CABIN1: variants seen among roughly 807,000 people sequenced by gnomAD.
CABIN1 encodes calcineurin-binding protein cabin-1.
Under a neutral mutation model 227.7 loss-of-function variants are expected in CABIN1, and 133 were observed. The ratio of observed to expected loss-of-function variants is 0.58; its 90% CI spans 0.51 to 0.67. The LOEUF (loss-of-function observed/expected upper bound fraction) is 0.67. Ranked by LOEUF, CABIN1 falls within the 30% of genes least tolerant of loss-of-function variation. The probability of loss-of-function intolerance (pLI) is 0.00; values close to 1 mark genes in which losing one functional copy is unlikely to be tolerated. For missense variants in CABIN1, 2,408 were observed against 2,852.5 expected (o/e 0.84, Z 3.55); for synonymous variants, 1,086 against 1,155.1 (o/e 0.94, Z 1.21).
chr22:24,177,833 G>A lies in CABIN1; in HGVS notation c.6519+16G>A, dbSNP rs1303108371. On this transcript the variant is annotated intron_variant, in intron 36 of 36. Coordinates refer to ENST00000263119, the MANE Select transcript of CABIN1 (RefSeq NM_012295.4). This position sits in a 1 kb window ranked among gnomAD's most constrained non-coding sequence, Gnocchi z 4.4. The stretch of plus-strand genomic sequence containing the variant: ...GAAGCTGAAGGTGACCTCAGGGGCT[G>A]GGCTGGAGCCATGTGTGGGTGGGAG... The A allele has an allele frequency of 2.5e-6, 4 of 1,604,078 alleles. No individual in the cohort carries two copies. The South Asian group carries it at 3.3e-5, about 13-fold the overall frequency.
At chr22:24,095,847 C>G in intron 24 of CABIN1, 84 bp from the exon 25 acceptor site, 2 of 1,483,918 alleles carry the variant, frequency 1.3e-6, no homozygotes. Flanking sequence ...GGTCATGGGC[C>G]CATTTCCAGT....
Position 24,176,194 on chromosome 22 carries a change from C to G in CABIN1, c.6124C>G (p.Pro2042Ala). The change falls in exon 35 of 37, where the codon CCC becomes GCC. Residue 2042 changes from proline (P) to alanine (A), a missense_variant. Transcript: ENST00000263119. Reference sequence around the variant, plus strand: ...GCACAGTCCGCAGGTGAAGATGGCCCCCACAAGTTCCCCGGCAGAGCCACA... The same window carrying G: ...GCACAGTCCGCAGGTGAAGATGGCCGCCACAAGTTCCCCGGCAGAGCCACA... Reference protein sequence around the residue: ...PRHSPQVKMAPTSSPAEPHCW... With the variant: ...PRHSPQVKMAATSSPAEPHCW... 1 of 1,611,062 alleles carries G rather than the reference C, an allele frequency of 6.2e-7. No homozygotes were observed. Among genetic ancestry groups the G allele is most frequent in the Middle Eastern group, 1.7e-4 (1 of 6,052 alleles).
At chr22:24,157,609 C>T (rs1216681096) in intron 29 of CABIN1, among the ~76,000 whole-genome samples, 2 of 152,176 alleles carry the variant, frequency 1.3e-5, no homozygotes, top group Non-Finnish European at 2.9e-5. Context: ...GACGGTTGGC[C>T]CCAGGAGATG....
At chr22:24,130,300 C>T (rs1266946326) in intron 28 of CABIN1, among the ~76,000 whole-genome samples, 1 of 152,128 alleles carries the variant, frequency 6.6e-6, no homozygotes, top group Non-Finnish European at 1.5e-5. Context: ...CATGCCCAGG[C>T]GGATTTGTAA....
chr22:24,178,356 C>G lies in CABIN1; in HGVS notation c.*160C>G. 2 of 877,656 alleles carry G rather than the reference C, an allele frequency of 2.3e-6. No individual in the cohort carries two copies. The highest frequency in any genetic ancestry group is 1.7e-5 in the African/African-American group (1 of 59,980). The allele number at this position is 877,656 out of a possible 1,614,324, so 54.4% of individuals were successfully genotyped here. On this transcript the variant is annotated 3_prime_UTR_variant, in exon 37 of 37. Coordinates refer to ENST00000263119, the MANE Select transcript of CABIN1 (RefSeq NM_012295.4). ...ACCTCCTCATGGCATCCTCCCTGTA[C>G]CCAGGTCAGGCTGTCCACACCACAT... is the stretch of plus-strand genomic sequence containing the variant.
Position 24,118,429 on chromosome 22 carries a change from C to T in CABIN1, c.4301-938C>T, listed in dbSNP as rs564226739. On this transcript the variant is annotated intron_variant, in intron 27 of 36. Transcript: ENST00000263119. Reference sequence around the variant, plus strand: ...CTGGGGGCCTTGGTTGTTGCTGACTCGGCCCTGCCCCAGCAGGCCCCAGCT... The same window carrying T: ...CTGGGGGCCTTGGTTGTTGCTGACTTGGCCCTGCCCCAGCAGGCCCCAGCT... 3.3e-5 allele frequency among the ~76,000 whole-genome samples: 5 copies of T among 152,226 alleles called. No individual in the cohort carries two copies. In the East Asian group the frequency reaches 7.7e-4, roughly 24 times the overall value.
At chr22:24,121,216 A>G (rs1428376849) in intron 28 of CABIN1, among the ~76,000 whole-genome samples, 1 of 152,244 alleles carries the variant, frequency 6.6e-6, no homozygotes, top group Non-Finnish European at 1.5e-5. Flanking sequence ...CAGTTGGCCA[A>G]GAGATGGGCC....
At chr22:24,136,524 ATTTTTTTTTTT>A (rs145864566) in intron 29 of CABIN1, among the ~76,000 whole-genome samples, 2 of 69,894 alleles carry the variant, frequency 2.9e-5, no homozygotes, top group East Asian at 1.0e-3. Flanking sequence ...TAATTTTTGT[ATTTTTTTTTTT>A]TTTTTTTTTT....
intron 29 of CABIN1, among the ~76,000 whole-genome samples, chr22:24,148,241 A>G (rs1200899571): frequency 6.6e-6 from 1 of 152,220 alleles, no homozygotes; most frequent in Non-Finnish European, 1.5e-5. Flanking sequence ...CCAGAGATGG[A>G]CAATGTTTGA....
intron 9 of CABIN1, 145 bp downstream of exon 9, chr22:24,055,304 C>G: frequency 1.0e-6 from 1 of 960,386 alleles, no homozygotes; most frequent in South Asian, 1.7e-5. Context: ...GCCCCCAGCC[C>G]TAGAGGAGCC....
chr22:24,140,956 C>T (rs1273159042), intron 29 of CABIN1, among the ~76,000 whole-genome samples: 3 of 152,334 alleles, frequency 2.0e-5, no homozygotes, highest in Non-Finnish European at 2.9e-5. Flanking sequence ...CAGCTCCCAG[C>T]CACTCTACCC....
intron 29 of CABIN1, among the ~76,000 whole-genome samples, chr22:24,160,129 C>G (rs1051657055): frequency 6.6e-6 from 1 of 152,142 alleles, no homozygotes; most frequent in Non-Finnish European, 1.5e-5. Flanking sequence ...CTCAGTTTCC[C>G]TCTCTGGAAA....
At chr22:24,119,833 C>A in intron 28 of CABIN1, 135 bp downstream of exon 28, 1 of 929,114 alleles carries the variant, frequency 1.1e-6, no homozygotes, top group Non-Finnish European at 1.7e-6. Flanking sequence ...AGGAGAGCTG[C>A]AGGAGGCAGG....
At chr22:24,025,343 A>G (rs1017094693) in intron 1 of CABIN1, among the ~76,000 whole-genome samples, 1 of 152,180 alleles carries the variant, frequency 6.6e-6, no homozygotes, top group African/African-American at 2.4e-5. Context: ...AAGGGGGGAA[A>G]AGGTGTTCCA....
At chr22:24,025,229 T>C (rs1392960093) in intron 1 of CABIN1, among the ~76,000 whole-genome samples, 1 of 152,226 alleles carries the variant, frequency 6.6e-6, no homozygotes, top group Non-Finnish European at 1.5e-5. Context: ...AAACTATTTT[T>C]GCAAAATGTA....
At chr22:24,128,418 CTACCAGGTCTAGCTATGGGGA>C (rs1300006669) in intron 28 of CABIN1, among the ~76,000 whole-genome samples, 1 of 152,150 alleles carries the variant, frequency 6.6e-6, no homozygotes, top group Non-Finnish European at 1.5e-5. Flanking sequence ...GGCTTTAAGT[CTACCAGGTCTAGCTATGGGGA>C]TATTCATGTC....
In CABIN1 at chr22:24,134,418, G is replaced by C; in HGVS notation, c.4746+3G>C. Reference sequence around the variant, plus strand: ...GGAACAAGACCAATTTCTTCAACGTGAGTACTTTGCCTTGTTGATTTCCAA... The same window carrying C: ...GGAACAAGACCAATTTCTTCAACGTCAGTACTTTGCCTTGTTGATTTCCAA... On this transcript the variant is annotated splice_donor_region_variant and intron_variant, in intron 29 of 36. Coordinates refer to ENST00000263119, the MANE Select transcript of CABIN1 (RefSeq NM_012295.4). The C allele has an allele frequency of 1.2e-6, 2 of 1,609,250 alleles. No homozygotes were observed. The highest frequency in any genetic ancestry group is 1.7e-6 in the Non-Finnish European group (2 of 1,175,604).
rs772602649 is a variant in CABIN1 at position 24,113,589 on chromosome 22, G to A, written c.4141G>A (p.Val1381Ile). ...PDDRSQDSTA[V>I]ALSDSSSTQD... is the part of the protein sequence containing the mutation. ...AGACCGAAGCCAGGACAGCACAGCC[G>A]TAGCACTCTCAGACTCTAGCTCAAC... Residue 1381 changes from valine to isoleucine, a missense_variant, in exon 27 of 37, where the codon GTA (valine) becomes ATA (isoleucine). Transcript: ENST00000263119. 2.5e-6 allele frequency: 4 copies of A among 1,614,124 alleles called. No individual in the cohort carries two copies. Among genetic ancestry groups the A allele is most frequent in the East Asian group, 2.2e-5 (1 of 44,876 alleles).
At position 24,062,986 on chromosome 22, in the gene CABIN1, T is replaced by C. The variant is rs1478529976; in HGVS notation, c.1724T>C (p.Met575Thr). 2 of 1,614,060 alleles carry C rather than the reference T, an allele frequency of 1.2e-6. No individual in the cohort carries two copies. Among genetic ancestry groups the C allele is most frequent in the Non-Finnish European group, 1.7e-6 (2 of 1,180,036 alleles). Residue 575 changes from methionine (M) to threonine (T), a missense_variant, in exon 14 of 37, where the codon ATG (methionine) becomes ACG (threonine). By Grantham distance (81) the Met-to-Thr change is moderately conservative. This residue lies in a region of CABIN1 where 1,045 missense variants were observed against 1,168.4 expected (regional missense o/e 0.89). Coordinates refer to ENST00000263119, the MANE Select transcript of CABIN1 (RefSeq NM_012295.4). ...AVSPRNCPAG[M>T]VNGRFGPDFP... is the part of the protein sequence containing the mutation. ...TCTCCTCGGAACTGCCCTGCTGGTATGGTGAATGGCAGATTTGGACCTGAC... is the reference window on the plus strand; with the variant it reads ...TCTCCTCGGAACTGCCCTGCTGGTACGGTGAATGGCAGATTTGGACCTGAC...
Sources: allele counts gnomAD v4.1 joint callset (sites outside exome capture counted in the v4.1 genomes callset), GRCh38; gene constraint gnomAD v4.1.1; regional missense constraint gnomAD v4.1.1; non-coding constraint Gnocchi (gnomAD v3.1); transcripts MANE v1.5; gene names NCBI Gene and HGNC (gene_info 2026-07-23, HGNC 2026-07-21).